AKAP13: variants seen among roughly 807,000 people sequenced by gnomAD.
AKAP13 encodes A-kinase anchor protein 13.
AKAP13 carries 80 observed loss-of-function variants against 264.5 expected under a neutral mutation model. The observed-to-expected ratio is 0.30, with a 90% confidence interval of 0.25 to 0.36. The LOEUF (loss-of-function observed/expected upper bound fraction) is 0.36. Among genes scored for constraint, AKAP13 ranks in the 10% least tolerant of loss-of-function variants. The pLI is 1.00. For synonymous variants in AKAP13, 1,380 were observed against 1,250.2 expected, an observed-to-expected ratio of 1.10 and a Z score of -2.19; for missense variants, 3,712 against 3,435.2, an observed-to-expected ratio of 1.08 and a Z score of -2.01.
chr15:85,651,487 A>G (rs548896755), intron 10 of AKAP13: 124 of 152,282 alleles, frequency 8.1e-4, no homozygotes, highest in African/African-American at 2.8e-3. Context: ...GAAATGTACA[A>G]TCTTGAGGGT....
In AKAP13 at chr15:85,715,876, G is replaced by A. The variant is rs2086904192; in HGVS notation, c.5688G>A (p.Gln1896=). 5.0e-6 allele frequency: 8 copies of A among 1,613,282 alleles called. No homozygotes were observed. The highest frequency in any genetic ancestry group is 6.8e-6 in the Non-Finnish European group (8 of 1,179,850). Residue 1896 remains glutamine, a synonymous_variant, in exon 20 of 37, where the codon CAG becomes CAA. Transcript: ENST00000394518. ...TTPIFANRRS[Q]QSVSLSKSVS... ...CAATATTTGCCAATAGACGATCCCA[G>A]CAGAGTGTCTCGCTCTCCAAAAGTG...
Position 85,579,016 on chromosome 15 carries a change from GT to G in AKAP13, c.951del (p.Leu318PhefsTer42). ...CCAGTGCCCCAGAGACAGATGGCCA[GT>G]TTCTTCCCTGTGCACCGGAGCCCAC... ...PSSAPETDGQ[F>X]LPCAPEPTDP... On this transcript the variant is annotated frameshift_variant, in exon 7 of 37. Coordinates refer to ENST00000394518, the MANE Select transcript of AKAP13 (RefSeq NM_007200.5). LOFTEE classifies it high-confidence loss of function. 6.2e-7 allele frequency: 1 copy of G among 1,614,128 alleles called. No individual in the cohort carries two copies. The highest frequency in any genetic ancestry group is 8.5e-7 in the Non-Finnish European group (1 of 1,180,034).
At chr15:85,589,700 ACT>A (rs2079511544) in intron 8 of AKAP13, among the ~76,000 whole-genome samples, 1 of 122,320 alleles carries the variant, frequency 8.2e-6, no homozygotes, top group South Asian at 2.7e-4. Flanking sequence ...ACAGAGTAAC[ACT>A]CTGTCTTGAA....
intron 1 of AKAP13, among the ~76,000 whole-genome samples, chr15:85,468,818 C>A (rs184878611): frequency 3.2e-4 from 49 of 151,972 alleles, no homozygotes; most frequent in African/African-American, 1.1e-3. Context: ...ATTTTCATTG[C>A]CTTGCAATTA....
intron 1 of AKAP13, among the ~76,000 whole-genome samples, chr15:85,475,599 A>G (rs2075132606): frequency 6.6e-6 from 1 of 152,208 alleles, no homozygotes; most frequent in Middle Eastern, 3.2e-3. Flanking sequence ...TTGTCTAGTT[A>G]TATGATGTTG....
intron 12 of AKAP13, chr15:85,662,254 A>G (rs1277839719): frequency 7.7e-6 from 6 of 776,412 alleles, no homozygotes; most frequent in East Asian, 5.0e-5. Flanking sequence ...TCAGTGTTAC[A>G]TTCCTAAATT....
At chr15:85,530,610 T>C (rs1264427010) in intron 3 of AKAP13, among the ~76,000 whole-genome samples, 1 of 152,212 alleles carries the variant, frequency 6.6e-6, no homozygotes, top group Admixed American at 6.5e-5. Flanking sequence ...AATTTTGACA[T>C]TTATTGACAT....
At chr15:85,482,163 A>G (rs575446001) in intron 1 of AKAP13, among the ~76,000 whole-genome samples, 1 of 152,170 alleles carries the variant, frequency 6.6e-6, no homozygotes, top group African/African-American at 2.4e-5. Context: ...TGAGTTCTCA[A>G]TGTTGTGGCA....
intron 16 of AKAP13, among the ~76,000 whole-genome samples, chr15:85,691,238 A>C (rs549325788): frequency 2.0e-4 from 30 of 152,338 alleles, no homozygotes; most frequent in African/African-American, 7.2e-4. Flanking sequence ...TACCTTGTGA[A>C]TGGTAGGTCT....
chr15:85,594,527 A>G (rs926785774), intron 8 of AKAP13, among the ~76,000 whole-genome samples: 6 of 152,242 alleles, frequency 3.9e-5, no homozygotes, highest in African/African-American at 1.4e-4. Flanking sequence ...ATGTATCAGA[A>G]ATATAGGCTT....
In AKAP13 at chr15:85,579,911, A is replaced by G. The variant is rs61731842; in HGVS notation, c.1843A>G (p.Met615Val). 15 of 1,614,242 alleles carry G rather than the reference A, an allele frequency of 9.3e-6. No homozygotes were observed. The African/African-American group carries it at 1.5e-4, about 16-fold the overall frequency. The change falls in exon 7 of 37, where the codon ATG becomes GTG. Residue 615 changes from methionine to valine, a missense_variant. This residue lies in a region of AKAP13 where 2,759 missense variants were observed against 2,411.7 expected (regional missense o/e 1.14). Coordinates refer to ENST00000394518, the MANE Select transcript of AKAP13 (RefSeq NM_007200.5). ...CTTAGCAGCAGGCATAGGTGAGGCAATGTCACCCTCAGATTTAGCCCTTCT... is the reference window on the plus strand; with the variant it reads ...CTTAGCAGCAGGCATAGGTGAGGCAGTGTCACCCTCAGATTTAGCCCTTCT... Reference protein sequence around the residue: ...TLLAAGIGEAMSPSDLALLGL... With the variant: ...TLLAAGIGEAVSPSDLALLGL...
chr15:85,699,704 A>C (rs1477801304), intron 17 of AKAP13, among the ~76,000 whole-genome samples: 1 of 152,210 alleles, frequency 6.6e-6, no homozygotes, highest in Non-Finnish European at 1.5e-5. Flanking sequence ...GCACAAAATA[A>C]GTTGGTATTT....
intron 14 of AKAP13, among the ~76,000 whole-genome samples, chr15:85,680,593 A>G (rs1489937699): frequency 6.6e-6 from 1 of 152,194 alleles, no homozygotes; most frequent in Non-Finnish European, 1.5e-5. Context: ...AGCCAGGTGC[A>G]ATGGCTCACC....
At chr15:85,660,352 C>CAAAA (rs35636118) in intron 12 of AKAP13, among the ~76,000 whole-genome samples, 8 of 68,562 alleles carry the variant, frequency 1.2e-4, no homozygotes, top group Non-Finnish European at 1.6e-4. Flanking sequence ...ATCTAAGTCT[C>CAAAA]AAAAAAAAAA....
At chr15:85,701,596 C>A (rs181263882) in intron 17 of AKAP13, among the ~76,000 whole-genome samples, 19 of 152,090 alleles carry the variant, frequency 1.2e-4, no homozygotes, top group African/African-American at 4.6e-4. Flanking sequence ...CACGCCACCA[C>A]ACCTGGCTAA....
intron 3 of AKAP13, among the ~76,000 whole-genome samples, chr15:85,527,259 G>A (rs543160537): frequency 2.6e-5 from 4 of 152,204 alleles, no homozygotes; most frequent in South Asian, 2.1e-4. Context: ...CACCGCACCC[G>A]GCCCTGTTGT....
At chr15:85,682,414 A>G (rs1006745429) in intron 15 of AKAP13, among the ~76,000 whole-genome samples, 1 of 152,190 alleles carries the variant, frequency 6.6e-6, no homozygotes, top group Non-Finnish European at 1.5e-5. Context: ...TATTAATTAT[A>G]CTGTCCTCAT....
rs1035564101 is a variant in AKAP13, at chr15:85,690,266, T to C, written c.5290-3011T>C. Among the ~76,000 whole-genome samples the C allele has an allele frequency of 3.9e-5, 6 of 152,242 alleles. No individual in the cohort carries two copies. The East Asian group carries it at 9.6e-4, about 24-fold the overall frequency. On this transcript the variant is annotated intron_variant, in intron 16 of 36. Coordinates refer to ENST00000394518, the MANE Select transcript of AKAP13 (RefSeq NM_007200.5). ...TCAGGTTTGAAGAGCATTGCAAGGC[T>C]TGAGAGGATAAGCTGGTTGCCATAA...
At chr15:85,717,064 G>T in intron 20 of AKAP13, 1 of 455,418 alleles carries the variant, frequency 2.2e-6, no homozygotes. Flanking sequence ...CTTTAAAAAG[G>T]CTCAAAAAGT....
Sources: allele counts gnomAD v4.1 joint callset (sites outside exome capture counted in the v4.1 genomes callset), GRCh38; gene constraint gnomAD v4.1.1; regional missense constraint gnomAD v4.1.1; transcripts MANE v1.5; gene names NCBI Gene and HGNC (gene_info 2026-07-23, HGNC 2026-07-21).